Variants in SEC62 observed in about 807,000 individuals in gnomAD.
SEC62 encodes the protein SEC62 preprotein translocation factor.
SEC62 carries 10 observed loss-of-function variants against 47.5 expected under a neutral mutation model. The observed-to-expected ratio is 0.21, with a 90% CI of 0.13 to 0.36. The LOEUF (loss-of-function observed/expected upper bound fraction) is 0.36. SEC62 is among the 10% of genes least tolerant of loss of function. The pLI is 1.00. For missense variants in SEC62, 327 were observed against 464.1 expected, an observed-to-expected ratio of 0.70 and a Z score of 2.71; for synonymous variants, 136 against 150.5, an observed-to-expected ratio of 0.90 and a Z score of 0.71.
In SEC62 at chr3:169,976,960, G is replaced by A; in HGVS notation, c.160G>A (p.Asp54Asn). ...TTCTTCTTTAGCTTCAAAAGCAGTG[G>A]ACTGTCTTTTGGATTCAAAGTGGGC... ...VDYFIASKAV[D>N]CLLDSKWAKA... Residue 54 changes from aspartate to asparagine, a missense_variant, in exon 3 of 8, where the codon GAC (aspartate) becomes AAC (asparagine). Asp to Asn is a conservative substitution (Grantham distance 23). Coordinates refer to ENST00000337002, the MANE Select transcript of SEC62 (RefSeq NM_003262.4). 6.2e-7 allele frequency: 1 copy of A among 1,604,790 alleles called. No homozygotes were observed. The highest frequency in any genetic ancestry group is 8.5e-7 in the Non-Finnish European group (1 of 1,173,972).
At chr3:169,974,400 A>G (rs1362587167) in intron 1 of SEC62, among the ~76,000 whole-genome samples, 1 of 152,268 alleles carries the variant, frequency 6.6e-6, no homozygotes, top group Non-Finnish European at 1.5e-5. Flanking sequence ...GATGTATACA[A>G]AGATAGACTG....
At chr3:169,967,090 A>T (rs568113046) in intron 1 of SEC62, among the ~76,000 whole-genome samples, 225 of 152,032 alleles carry the variant, frequency 1.5e-3, no homozygotes, top group African/African-American at 5.2e-3. Context: ...CAGGGGAAGG[A>T]AGGAGGCGCC....
rs769501102 is a variant in SEC62 at position 169,985,783 on chromosome 3, C to G, written c.550-22C>G. On this transcript the variant is annotated intron_variant, in intron 5 of 7. Coordinates refer to ENST00000337002, the MANE Select transcript of SEC62 (RefSeq NM_003262.4). ...ATGTGACATTAGAACTTTTAAGCAC[C>G]GAGGTTTCTTGATTCTTCTAGGTGT... The G allele has an allele frequency of 1.0e-5, 16 of 1,595,328 alleles. No homozygotes were observed. In the Admixed American group the frequency reaches 2.6e-4, roughly 26 times the overall value.
In SEC62 at chr3:169,992,033, G is replaced by A. The variant is rs138505542; in HGVS notation, c.731-561G>A. Among the ~76,000 whole-genome samples, 1 of 152,288 alleles carries A rather than the reference G, an allele frequency of 6.6e-6. No homozygotes were observed. Among genetic ancestry groups the A allele is most frequent in the Non-Finnish European group, 1.5e-5 (1 of 68,018 alleles). On this transcript the variant is annotated intron_variant, in intron 7 of 7. Transcript: ENST00000337002. This position sits in a 1 kb window ranked among gnomAD's most constrained non-coding sequence, Gnocchi z 4.0. Reference sequence around the variant, plus strand: ...AAGGCAAAAGGGCCTAGGGCCTTGGGAAGTATGATGCAGCCCTGCTTTTCC... The same window carrying A: ...AAGGCAAAAGGGCCTAGGGCCTTGGAAAGTATGATGCAGCCCTGCTTTTCC...
rs972934947 is a variant in SEC62 at position 169,977,236 on chromosome 3, G to A, written c.251+185G>A. On this transcript the variant is annotated intron_variant, in intron 3 of 7. Coordinates refer to ENST00000337002, the MANE Select transcript of SEC62 (RefSeq NM_003262.4). The stretch of plus-strand genomic sequence containing the variant: ...GTATTAGACTATTATACTTTTAACT[G>A]TATATAATTTTTATTTATGTTCTAT... Among the ~76,000 whole-genome samples, 66 of 151,710 alleles carry A rather than the reference G, an allele frequency of 4.4e-4. 2 individuals are homozygous for A. The highest frequency in any genetic ancestry group is 1.5e-3 in the African/African-American group (63 of 41,018).
chr3:169,966,822 C>G lies in SEC62; in HGVS notation c.-1C>G. The G allele has an allele frequency of 6.4e-7, 1 of 1,554,228 alleles. No individual in the cohort carries two copies. Among genetic ancestry groups the G allele is most frequent in the East Asian group, 2.4e-5 (1 of 41,122 alleles). On this transcript the variant is annotated 5_prime_UTR_variant, in exon 1 of 8. Coordinates refer to ENST00000337002, the MANE Select transcript of SEC62 (RefSeq NM_003262.4). ...AGAGGGAACCGGGCGGAGCGGCCAACATGGCGGAACGCAGGAGACACAAGA... is the reference window on the plus strand; with the variant it reads ...AGAGGGAACCGGGCGGAGCGGCCAAGATGGCGGAACGCAGGAGACACAAGA...
At chr3:169,975,500 G>A (rs1714815241) in intron 1 of SEC62, 108 bp from the exon 2 acceptor site, 1 of 689,358 alleles carries the variant, frequency 1.5e-6, no homozygotes, top group Non-Finnish European at 2.5e-6. Context: ...TGAAAGCAAG[G>A]CCTGTACTCC....
chr3:169,983,431 G>T, intron 5 of SEC62, 178 bp downstream of exon 5: 1 of 420,154 alleles, frequency 2.4e-6, no homozygotes, highest in Non-Finnish European at 4.3e-6. Flanking sequence ...TTAAAAGTCA[G>T]ATTTGACTGT....
In SEC62 at chr3:169,993,291, G is replaced by T; in HGVS notation, c.*228G>T. On this transcript the variant is annotated 3_prime_UTR_variant, in exon 8 of 8. Coordinates refer to ENST00000337002, the MANE Select transcript of SEC62 (RefSeq NM_003262.4). The stretch of plus-strand genomic sequence containing the variant: ...GTTTTATCCATTTGATAATTTTACA[G>T]TAAGTAGGTCTCATTCATTTTGACA... 2.4e-6 allele frequency: 1 copy of T among 418,706 alleles called. No homozygotes were observed. Among genetic ancestry groups the T allele is most frequent in the South Asian group, 4.4e-5 (1 of 22,914 alleles). The allele number at this position is 418,706 out of a possible 1,614,324, so 25.9% of individuals were successfully genotyped here.
intron 1 of SEC62, among the ~76,000 whole-genome samples, chr3:169,967,391 A>G (rs1714558835): frequency 6.6e-6 from 1 of 152,198 alleles, no homozygotes; most frequent in South Asian, 2.1e-4. Flanking sequence ...GGGCCTAGGC[A>G]GGGATCTGCT....
chr3:169,967,412 T>C (rs576810462), intron 1 of SEC62, among the ~76,000 whole-genome samples: 1 of 152,188 alleles, frequency 6.6e-6, no homozygotes, highest in African/African-American at 2.4e-5. Context: ...CATCCAGATG[T>C]TCAGTTGCGT....
chr3:169,990,631 T>G (rs1056438567), intron 7 of SEC62, among the ~76,000 whole-genome samples: 1 of 152,210 alleles, frequency 6.6e-6, no homozygotes, highest in Non-Finnish European at 1.5e-5. Flanking sequence ...CTGTAAAACC[T>G]ATCATTGCAT....
At chr3:169,967,877 CCTT>C (rs796573650) in intron 1 of SEC62, among the ~76,000 whole-genome samples, 7 of 143,302 alleles carry the variant, frequency 4.9e-5, no homozygotes, top group South Asian at 2.2e-4. Flanking sequence ...CCATTTTATC[CCTT>C]CTTTTTTTTT....
intron 3 of SEC62, among the ~76,000 whole-genome samples, chr3:169,978,119 A>G (rs1160511716): frequency 6.6e-6 from 1 of 152,082 alleles, no homozygotes; most frequent in Non-Finnish European, 1.5e-5. Flanking sequence ...CTCTACTAAA[A>G]ATACAAAAAA....
chr3:169,968,751 A>G (rs758641466), intron 1 of SEC62, among the ~76,000 whole-genome samples: 2 of 152,182 alleles, frequency 1.3e-5, no homozygotes, highest in South Asian at 2.1e-4. Context: ...ACAACCCTCT[A>G]TTCAGTAAAC....
At chr3:169,987,195 G>A (rs1330867964) in intron 6 of SEC62, among the ~76,000 whole-genome samples, 1 of 152,062 alleles carries the variant, frequency 6.6e-6, no homozygotes, top group Non-Finnish European at 1.5e-5. Flanking sequence ...AGGAGGCCAA[G>A]GCAGGGAGAT....
Position 169,992,895 on chromosome 3 carries a change from C to G in SEC62, c.1032C>G (p.Asp344Glu). 1 of 1,613,598 alleles carries G rather than the reference C, an allele frequency of 6.2e-7. No individual in the cohort carries two copies. The highest frequency in any genetic ancestry group is 8.5e-7 in the Non-Finnish European group (1 of 1,179,946). The change falls in exon 8 of 8, where the codon GAC becomes GAG. Residue 344 changes from aspartate (D) to glutamate (E), a missense_variant. Physicochemically the swap from Asp to Glu is conservative, Grantham distance 45 (BLOSUM62 2). Transcript: ENST00000337002. The surrounding 1 kb of genome is among the most constrained non-coding windows in gnomAD (Gnocchi z 4.0). ...GGGGAGAACGGCATTCAGACACGGA[C>G]AGTGACAGGAGGGAAGATGATCGAT... Reference protein sequence around the residue: ...GSGGERHSDTDSDRREDDRSQ... With the variant: ...GSGGERHSDTESDRREDDRSQ...
chr3:169,986,711 T>C (rs1715116140), intron 6 of SEC62, among the ~76,000 whole-genome samples: 1 of 152,146 alleles, frequency 6.6e-6, no homozygotes, highest in African/African-American at 2.4e-5. Context: ...AGATGAAGAC[T>C]TAATTTTCTC....
rs1019278517 is a variant in SEC62 at position 169,994,400 on chromosome 3, T to C, written c.*1337T>C. 3 of 152,682 alleles carry C rather than the reference T, an allele frequency of 2.0e-5. No homozygotes were observed. Among genetic ancestry groups the C allele is most frequent in the African/African-American group, 4.8e-5 (2 of 41,472 alleles). 9.5% of individuals were successfully genotyped at this position (152,682 alleles called of 1,614,324 possible). Reference sequence around the variant, plus strand: ...AGGTAGTGTATGTCAGTCTTTGCTTTAGGCTGTTTCTCATCTAAGTGTTTG... The same window carrying C: ...AGGTAGTGTATGTCAGTCTTTGCTTCAGGCTGTTTCTCATCTAAGTGTTTG... On this transcript the variant is annotated 3_prime_UTR_variant, in exon 8 of 8. Coordinates refer to ENST00000337002, the MANE Select transcript of SEC62 (RefSeq NM_003262.4).
Sources: gnomAD v4.1 joint callset for allele counts (sites outside exome capture counted in the v4.1 genomes callset) on GRCh38, gnomAD v4.1.1 for gene constraint, Gnocchi (gnomAD v3.1) non-coding constraint, MANE v1.5 for transcripts, NCBI Gene and HGNC (gene_info 2026-07-23, HGNC 2026-07-21) for gene names.